INTS7: variants seen among roughly 807,000 people sequenced by gnomAD.
INTS7 encodes chromosome 1 open reading frame 73.
INTS7 carries 46 observed loss-of-function variants against 109.2 expected under a neutral mutation model. The observed-to-expected ratio is 0.42, with a 90% CI of 0.33 to 0.54. The LOEUF (loss-of-function observed/expected upper bound fraction) is 0.54, where lower values mean the gene tolerates loss of function less well. Among genes scored for constraint, INTS7 ranks in the 20% least tolerant of loss-of-function variants. The pLI is 0.07. For missense variants in INTS7, 929 were observed against 1,132.4 expected (o/e 0.82, Z 2.58); for synonymous variants, 412 against 402.9 (o/e 1.02, Z -0.27).
In INTS7 at chr1:212,035,544, T is replaced by C. The variant is rs1667406460; in HGVS notation, c.-107A>G. ...TTGCTGGTTTTTCTTCCGCGCGCTG[T>C]CAAGCCCTGTTACGCATGCGCCCTG... is the stretch of plus-strand genomic sequence containing the variant. On this transcript the variant is annotated 5_prime_UTR_variant, in exon 1 of 20. Coordinates refer to ENST00000366994, the MANE Select transcript of INTS7 (RefSeq NM_015434.4). 8 of 887,704 alleles carry C rather than the reference T, an allele frequency of 9.0e-6. No homozygotes were observed. Among genetic ancestry groups the C allele is most frequent in the Admixed American group, 1.9e-5 (1 of 52,910 alleles). 55.0% of individuals were successfully genotyped at this position (887,704 alleles called of 1,614,324 possible).
At chr1:212,015,743 A>G (rs1248777117) in intron 4 of INTS7, among the ~76,000 whole-genome samples, 2 of 98,878 alleles carry the variant, frequency 2.0e-5, no homozygotes, top group South Asian at 3.4e-4. Flanking sequence ...AAAAAAAAAA[A>G]GTTAACTTTT....
At chr1:212,022,408 A>G (rs1334478224) in intron 1 of INTS7, among the ~76,000 whole-genome samples, 9 of 152,256 alleles carry the variant, frequency 5.9e-5, no homozygotes, top group Admixed American at 5.9e-4. Flanking sequence ...TACAAAACAC[A>G]TATGTGATAA....
intron 16 of INTS7, among the ~76,000 whole-genome samples, chr1:211,953,378 AT>A (rs1440286214): frequency 6.6e-6 from 1 of 152,078 alleles, no homozygotes; most frequent in South Asian, 2.1e-4. Context: ...TTTCTATTTT[AT>A]TTTTTTAACT....
intron 3 of INTS7, among the ~76,000 whole-genome samples, chr1:212,019,227 G>A (rs1021116049): frequency 6.6e-6 from 1 of 151,970 alleles, no homozygotes; most frequent in African/African-American, 2.4e-5. Flanking sequence ...CTCCAGCCTG[G>A]GTGACAGAGC....
In INTS7 at chr1:212,006,736, T is replaced by C. The variant is rs773366122; in HGVS notation, c.782A>G (p.Lys261Arg). The C allele has an allele frequency of 6.2e-7, 1 of 1,605,124 alleles. No homozygotes were observed. The highest frequency in any genetic ancestry group is 8.5e-7 in the Non-Finnish European group (1 of 1,174,422). ...CTTTACTGCCTTCCTGGGATCATTCTTCAAATACTGCAACAGAAGCTGAAT... is the reference window on the plus strand; with the variant it reads ...CTTTACTGCCTTCCTGGGATCATTCCTCAAATACTGCAACAGAAGCTGAAT... ...KQIQLLLQYL[K>R]NDPRKAVKRL... The change falls in exon 7 of 20, where the codon AAG (lysine) becomes AGG (arginine). Residue 261 changes from lysine (K) to arginine (R), a missense_variant. Around this residue, in one of 2 missense-constraint regions of INTS7, gnomAD observed 787 missense variants for 901.1 expected, o/e 0.87. Transcript: ENST00000366994.
chr1:211,997,774 G>A (rs576121571), intron 7 of INTS7, among the ~76,000 whole-genome samples: 2 of 151,680 alleles, frequency 1.3e-5, no homozygotes, highest in Non-Finnish European at 2.9e-5. Flanking sequence ...AGCTACTTGG[G>A]AGGCTGAGGC....
chr1:211,983,139 T>C (rs1386848263), intron 8 of INTS7, among the ~76,000 whole-genome samples: 1 of 152,166 alleles, frequency 6.6e-6, no homozygotes, highest in Non-Finnish European at 1.5e-5. Flanking sequence ...ACAGGTATCA[T>C]TATAGGCCTC....
intron 5 of INTS7, among the ~76,000 whole-genome samples, chr1:212,009,236 GTTCT>G: frequency 6.6e-6 from 1 of 152,118 alleles, no homozygotes; most frequent in East Asian, 1.9e-4. Flanking sequence ...GCTAATTCCT[GTTCT>G]TTCAGATTTT....
intron 5 of INTS7, among the ~76,000 whole-genome samples, chr1:212,010,412 G>A (rs1666117082): frequency 6.6e-6 from 1 of 152,204 alleles, no homozygotes; most frequent in African/African-American, 2.4e-5. Flanking sequence ...CCAGGGCTTT[G>A]TAGTCTATGG....
At chr1:212,012,423 T>C (rs2102476360) in intron 4 of INTS7, among the ~76,000 whole-genome samples, 2 of 152,312 alleles carry the variant, frequency 1.3e-5, no homozygotes, top group African/African-American at 4.8e-5. Context: ...GCCAGGTCAT[T>C]ATTTCCGGGA....
At chr1:212,024,018 G>A (rs1666815341) in intron 1 of INTS7, among the ~76,000 whole-genome samples, 1 of 152,266 alleles carries the variant, frequency 6.6e-6, no homozygotes, top group South Asian at 2.1e-4. Context: ...AGATCAGATG[G>A]CTGCAGGTGT....
At position 211,967,912 on chromosome 1, in the gene INTS7, C is replaced by A. The variant is rs1308065463; in HGVS notation, c.2080G>T (p.Asp694Tyr). The A allele has an allele frequency of 6.2e-7, 1 of 1,609,578 alleles. No individual in the cohort carries two copies. The highest frequency in any genetic ancestry group is 8.5e-7 in the Non-Finnish European group (1 of 1,177,452). ...TTCCTCAAAGTTGCTGAGTCAGCATCAAAAGATGCCTGGTAAAGATCTCCA... is the reference window on the plus strand; with the variant it reads ...TTCCTCAAAGTTGCTGAGTCAGCATAAAAAGATGCCTGGTAAAGATCTCCA... Reference protein sequence around the residue: ...RYGDLYQASFDADSATLRNVE... With the variant: ...RYGDLYQASFYADSATLRNVE... The change falls in exon 15 of 20, where the codon GAT becomes TAT. Residue 694 changes from aspartate (D) to tyrosine (Y), a missense_variant. By Grantham distance (160) the Asp-to-Tyr change is radical. Coordinates refer to ENST00000366994, the MANE Select transcript of INTS7 (RefSeq NM_015434.4).
At position 212,035,497 on chromosome 1, in the gene INTS7, G is replaced by C. The variant is rs972340148; in HGVS notation, c.-60C>G. ...AGCTTGCAAACTCTACCCCAGGACC[G>C]CCATCTTCCCCCGCCGCCTTCTTGC... On this transcript the variant is annotated 5_prime_UTR_variant, in exon 1 of 20. Coordinates refer to ENST00000366994, the MANE Select transcript of INTS7 (RefSeq NM_015434.4). 4.1e-6 allele frequency: 5 copies of C among 1,233,652 alleles called. No individual in the cohort carries two copies. In the African/African-American group the frequency reaches 5.9e-5, roughly 15 times the overall value. The allele number at this position is 1,233,652 out of a possible 1,614,324, so 76.4% of individuals were successfully genotyped here. A position where few individuals can be genotyped will look rare whatever the true frequency, so the allele number is the denominator to read the frequency against.
chr1:211,978,614 G>A, intron 10 of INTS7, 103 bp from the exon 11 acceptor site: 1 of 1,236,198 alleles, frequency 8.1e-7, no homozygotes, highest in Non-Finnish European at 1.1e-6. Flanking sequence ...CAAGGGTGAG[G>A]TTTCTTGTAG....
chr1:212,015,638 C>T (rs1424294616), intron 4 of INTS7, among the ~76,000 whole-genome samples: 3 of 145,198 alleles, frequency 2.1e-5, no homozygotes, highest in Non-Finnish European at 3.0e-5. Flanking sequence ...TGCTGACCTT[C>T]CCTCCACTAT....
At chr1:211,997,528 G>GAAAAAA (rs71137714) in intron 7 of INTS7, among the ~76,000 whole-genome samples, 2 of 58,960 alleles carry the variant, frequency 3.4e-5, no homozygotes, top group African/African-American at 7.1e-5. Context: ...TCTCCAAACA[G>GAAAAAA]AAAAAAAAAA....
chr1:212,030,450 G>A (rs1051343088), intron 1 of INTS7, among the ~76,000 whole-genome samples: 6 of 151,884 alleles, frequency 4.0e-5, no homozygotes, highest in Admixed American at 2.6e-4. Flanking sequence ...TACCACCCCC[G>A]GCTAATTTTT....
At chr1:212,015,465 G>C (rs1298092617) in intron 4 of INTS7, among the ~76,000 whole-genome samples, 4 of 151,428 alleles carry the variant, frequency 2.6e-5, no homozygotes, top group South Asian at 2.1e-4. Context: ...AATGGATTAA[G>C]GGCGGTGCAA....
chr1:212,021,148 C>G lies in INTS7; in HGVS notation c.159G>C (p.Gln53His), dbSNP rs1420284909. 2.5e-6 allele frequency: 4 copies of G among 1,612,832 alleles called. No homozygotes were observed. The highest frequency in any genetic ancestry group is 2.5e-6 in the Non-Finnish European group (3 of 1,179,078). ...EAVVRFPRLF[Q>H]KYPFPILINS... ...TGATAAGAATAGGGAATGGATACTT[C>G]TGAAAAAGTCTGGGAAAGCGAACAA... The change falls in exon 2 of 20, where the codon CAG (glutamine) becomes CAC (histidine). Residue 53 changes from glutamine to histidine, a missense_variant. Physicochemically the swap from Gln to His is conservative, Grantham distance 24 (BLOSUM62 0). Transcript: ENST00000366994.
Sources: allele counts gnomAD v4.1 joint callset (sites outside exome capture counted in the v4.1 genomes callset), GRCh38; gene constraint gnomAD v4.1.1; regional missense constraint gnomAD v4.1.1; transcripts MANE v1.5; gene names NCBI Gene and HGNC (gene_info 2026-07-23, HGNC 2026-07-21).